The following SORCS2 variants were observed in gnomAD, a reference collection of about 807,000 sequenced individuals.
SORCS2 encodes VPS10 domain-containing receptor SorCS2.
A neutral mutation model predicts 141.6 loss-of-function variants in SORCS2; 100 were observed. The observed-to-expected ratio is 0.71, with a 90% CI of 0.60 to 0.83. The LOEUF (loss-of-function observed/expected upper bound fraction) is 0.83. SORCS2 is among the 40% of genes least tolerant of loss of function. SORCS2 has a pLI of 0.00. For synonymous variants in SORCS2, 789 were observed against 676.9 expected, an observed-to-expected ratio of 1.17 and a Z score of -2.57; for missense variants, 1,646 against 1,560.2, an observed-to-expected ratio of 1.05 and a Z score of -0.93.
At chr4:7,527,323 G>A (rs1481547960) in intron 2 of SORCS2, among the ~76,000 whole-genome samples, 2 of 152,244 alleles carry the variant, frequency 1.3e-5, no homozygotes, top group East Asian at 1.9e-4. Flanking sequence ...ATTAAATGAA[G>A]GATCTTGGGA....
At chr4:7,588,626 C>A (rs1716701014) in intron 3 of SORCS2, among the ~76,000 whole-genome samples, 1 of 152,190 alleles carries the variant, frequency 6.6e-6, no homozygotes, top group Non-Finnish European at 1.5e-5. Flanking sequence ...GCAGATGTGG[C>A]AACTGGGATC....
rs1352448150 is a variant in SORCS2, at chr4:7,350,035, A to G, written c.481-46253A>G. On this transcript the variant is annotated intron_variant, in intron 1 of 26. Transcript: ENST00000507866. ...CACCAAGAAATATCTGGGACATTCA[A>G]AAAAATAGCCATGAACGAAAAGTAG... Among the ~76,000 whole-genome samples, 5 of 152,164 alleles carry G rather than the reference A, an allele frequency of 3.3e-5. No homozygotes were observed. In the South Asian group the frequency reaches 6.2e-4, roughly 19 times the overall value.
In SORCS2 at chr4:7,459,206, G is replaced by A. The variant is rs181624066; in HGVS notation, c.548+62851G>A. Among the ~76,000 whole-genome samples the A allele has an allele frequency of 4.1e-3, 622 of 152,220 alleles. 5 individuals carry two copies. The highest frequency in any genetic ancestry group is 0.014 in the African/African-American group (596 of 41,508). On this transcript the variant is annotated intron_variant, in intron 2 of 26. Transcript: ENST00000507866. ...AGCCCTCCCTGCCCCACCATGGGAC[G>A]CTGGCGAGTCTCTCCACCCTTCTCC...
At chr4:7,400,165 C>T (rs1441355640) in intron 2 of SORCS2, among the ~76,000 whole-genome samples, 1 of 152,064 alleles carries the variant, frequency 6.6e-6, no homozygotes, top group African/African-American at 2.4e-5. Flanking sequence ...CTACCCCATC[C>T]CCAGTCTCAG....
chr4:7,578,713 C>A (rs545262775), intron 3 of SORCS2, among the ~76,000 whole-genome samples: 1 of 152,316 alleles, frequency 6.6e-6, no homozygotes, highest in African/African-American at 2.4e-5. Context: ...GTTCCCACCC[C>A]GACTTGACGG....
rs143790443 is a variant in SORCS2 at position 7,366,951 on chromosome 4, G to A, written c.481-29337G>A. On this transcript the variant is annotated intron_variant, in intron 1 of 26. Coordinates refer to ENST00000507866, the MANE Select transcript of SORCS2 (RefSeq NM_020777.3). ...GTGCCTACGCCTGAGAGGCCAGGTCGGAAGGACTTAAATTCAGAGGAGCAA... is the reference window on the plus strand; with the variant it reads ...GTGCCTACGCCTGAGAGGCCAGGTCAGAAGGACTTAAATTCAGAGGAGCAA... 1.4e-4 allele frequency among the ~76,000 whole-genome samples: 22 copies of A among 152,310 alleles called. No homozygotes were observed. In the East Asian group the frequency reaches 2.9e-3, roughly 20 times the overall value.
intron 1 of SORCS2, among the ~76,000 whole-genome samples, chr4:7,343,137 A>C (rs1257976308): frequency 6.6e-6 from 1 of 152,240 alleles, no homozygotes; most frequent in African/African-American, 2.4e-5. Context: ...TTAGGAGGGC[A>C]GAGGTCCTGG....
chr4:7,416,792 G>A (rs1002717243), intron 2 of SORCS2, among the ~76,000 whole-genome samples: 65 of 151,190 alleles, frequency 4.3e-4, no homozygotes, highest in African/African-American at 1.6e-3. Context: ...ACACGCTTGT[G>A]CACACACAAA....
chr4:7,635,611 C>T (rs1053977922), intron 3 of SORCS2, among the ~76,000 whole-genome samples: 38 of 152,132 alleles, frequency 2.5e-4, no homozygotes, highest in African/African-American at 9.2e-4. Flanking sequence ...AATTTTGCAC[C>T]TTGCTTTTAT....
chr4:7,543,527 C>T (rs1425908893), intron 3 of SORCS2, among the ~76,000 whole-genome samples: 1 of 145,920 alleles, frequency 6.9e-6, no homozygotes, highest in African/African-American at 2.5e-5. Context: ...ATCCGTCCAT[C>T]CATCCACTTA....
Position 7,246,643 on chromosome 4 carries a change from T to C in SORCS2, c.480+53517T>C, listed in dbSNP as rs557743554. 2.1e-3 allele frequency among the ~76,000 whole-genome samples: 315 copies of C among 152,328 alleles called. 1 individual carries two copies. The highest frequency in any genetic ancestry group is 0.014 in the Middle Eastern group (4 of 294). On this transcript the variant is annotated intron_variant, in intron 1 of 26. Coordinates refer to ENST00000507866, the MANE Select transcript of SORCS2 (RefSeq NM_020777.3). ...CTGTTCCCATGTTGCCTTGGGCCTTTGCTGCTCTAATCCAAAGGAGCAGTG... is the reference window on the plus strand; with the variant it reads ...CTGTTCCCATGTTGCCTTGGGCCTTCGCTGCTCTAATCCAAAGGAGCAGTG...
chr4:7,513,856 C>T (rs1342146660), intron 2 of SORCS2, among the ~76,000 whole-genome samples: 1 of 152,188 alleles, frequency 6.6e-6, no homozygotes, highest in African/African-American at 2.4e-5. Flanking sequence ...CCAATTTCCC[C>T]GCCTTTGGTT....
intron 3 of SORCS2, among the ~76,000 whole-genome samples, chr4:7,549,178 T>C (rs1376825208): frequency 6.6e-6 from 1 of 152,174 alleles, no homozygotes; most frequent in Non-Finnish European, 1.5e-5. Context: ...GATGCTGCTC[T>C]TGGTACATTT....
At position 7,592,873 on chromosome 4, in the gene SORCS2, G is replaced by A. The variant is rs146045261; in HGVS notation, c.649-45455G>A. 1.0e-3 allele frequency among the ~76,000 whole-genome samples: 159 copies of A among 152,370 alleles called. 1 individual carries two copies. Among genetic ancestry groups the A allele is most frequent in the African/African-American group, 3.8e-3 (158 of 41,588 alleles). On this transcript the variant is annotated intron_variant, in intron 3 of 26. Transcript: ENST00000507866. ...ACATAAACCACCAACCAGAATGCCTGGCTCATAGTAGTTGTAAAGCAAATG... is the reference window on the plus strand; with the variant it reads ...ACATAAACCACCAACCAGAATGCCTAGCTCATAGTAGTTGTAAAGCAAATG...
At chr4:7,594,479 C>T (rs11731047) in intron 3 of SORCS2, among the ~76,000 whole-genome samples, 47,921 of 152,152 alleles carry the variant, frequency 0.31, 8,256 homozygotes, top group East Asian at 0.69. Context: ...GGGCCTGCTC[C>T]CCTCCTTGGC....
Position 7,680,678 on chromosome 4 carries a change from C to G in SORCS2, c.1342-2065C>G, listed in dbSNP as rs117907788. 9.8e-5 allele frequency among the ~76,000 whole-genome samples: 15 copies of G among 152,324 alleles called. No homozygotes were observed. In the East Asian group the frequency reaches 2.7e-3, roughly 27 times the overall value. ...ATGGATTTGCCACATGTATGGCGTT[C>G]CCTAGAAACTCTGGGAGGCTGCTCG... On this transcript the variant is annotated intron_variant, in intron 9 of 26. Transcript: ENST00000507866.
chr4:7,463,384 C>T (rs180710323), intron 2 of SORCS2, among the ~76,000 whole-genome samples: 1 of 152,298 alleles, frequency 6.6e-6, no homozygotes, highest in African/African-American at 2.4e-5. Flanking sequence ...CCTGAAGCTT[C>T]ACTCACATAT....
intron 2 of SORCS2, among the ~76,000 whole-genome samples, chr4:7,471,883 A>G (rs1729998749): frequency 6.6e-6 from 1 of 152,234 alleles, no homozygotes; most frequent in South Asian, 2.1e-4. Context: ...TCTCCACTGC[A>G]CTGGCCTAGG....
chr4:7,211,807 C>A (rs775034096), intron 1 of SORCS2, among the ~76,000 whole-genome samples: 1 of 151,572 alleles, frequency 6.6e-6, no homozygotes, highest in South Asian at 2.1e-4. Flanking sequence ...AGAGGAGAGG[C>A]GGGGGGCCCC....
Sources: allele counts gnomAD v4.1 joint callset (sites outside exome capture counted in the v4.1 genomes callset), GRCh38; gene constraint gnomAD v4.1.1; transcripts MANE v1.5; gene names NCBI Gene and HGNC (gene_info 2026-07-23, HGNC 2026-07-21).